Variants in TTLL7 observed in about 807,000 individuals in gnomAD.
TTLL7 encodes the protein tubulin polyglutamylase TTLL7.
Under a neutral mutation model 120.2 loss-of-function variants are expected in TTLL7, and 53 were observed. That is an observed-to-expected ratio of 0.44 (90% CI 0.35 to 0.55). The LOEUF (loss-of-function observed/expected upper bound fraction) is 0.55, where lower values mean the gene tolerates loss of function less well. Among genes scored for constraint, TTLL7 ranks in the 20% least tolerant of loss-of-function variants. The pLI is 0.00. For synonymous variants in TTLL7, 353 were observed against 351.7 expected (o/e 1.00, Z -0.04); for missense variants, 803 against 1,054.7 (o/e 0.76, Z 3.31).
At chr1:83,946,293 C>T (rs1379285519) in intron 6 of TTLL7, 11 of 152,126 alleles carry the variant, frequency 7.2e-5, no homozygotes, top group African/African-American at 1.9e-4. Flanking sequence ...CCTCGTGATC[C>T]GCCCGCCTCG....
chr1:83,892,238 G>T (rs1384960881), intron 18 of TTLL7, among the ~76,000 whole-genome samples: 1 of 135,388 alleles, frequency 7.4e-6, no homozygotes, highest in African/African-American at 2.8e-5. Context: ...GTATATATAT[G>T]AATATATATG....
chr1:83,891,950 C>T (rs779430825), intron 18 of TTLL7, among the ~76,000 whole-genome samples: 2 of 151,812 alleles, frequency 1.3e-5, no homozygotes, highest in African/African-American at 2.4e-5. Context: ...ATCTCAGCCT[C>T]CTGAGGAGGT....
rs1295969347 is a variant in TTLL7, at chr1:83,866,890, GTGA to G, written c.*3069_*3071del. ...TTGCAGTCTCAGACTACGTTTGTAA[GTGA>G]TGATTTAAAATAAAAAAGGTTGTTT... On this transcript the variant is annotated 3_prime_UTR_variant, in exon 21 of 21. Transcript: ENST00000260505. 2.0e-5 allele frequency: 3 copies of G among 151,956 alleles called. No homozygotes were observed. The highest frequency in any genetic ancestry group is 2.9e-5 in the Non-Finnish European group (2 of 67,854). The allele number at this position is 151,956 out of a possible 1,614,324, so 9.4% of individuals were successfully genotyped here.
At chr1:83,899,444 T>A (rs1656516470) in intron 18 of TTLL7, among the ~76,000 whole-genome samples, 1 of 151,962 alleles carries the variant, frequency 6.6e-6, no homozygotes, top group Non-Finnish European at 1.5e-5. Flanking sequence ...CTTTCAGGGC[T>A]CCATAAAATT....
chr1:83,903,939 T>A (rs532911667), intron 18 of TTLL7, 140 bp downstream of exon 18: 118 of 693,738 alleles, frequency 1.7e-4, no homozygotes, highest in Non-Finnish European at 2.4e-4. Flanking sequence ...GCCTGACACA[T>A]AATAGATACT....
chr1:83,884,408 T>TA (rs140406313), intron 19 of TTLL7, among the ~76,000 whole-genome samples: 40,080 of 151,512 alleles, frequency 0.26, 6,588 homozygotes, highest in East Asian at 0.6. Context: ...TTTGAATTCT[T>TA]AAAAAAATGC....
At chr1:83,908,881 A>G (rs1657441162) in intron 15 of TTLL7, among the ~76,000 whole-genome samples, 2 of 151,988 alleles carry the variant, frequency 1.3e-5, no homozygotes, top group Admixed American at 6.6e-5. Context: ...TCTAAATTAA[A>G]TTTTGGAGAG....
intron 14 of TTLL7, 95 bp downstream of exon 14, chr1:83,917,509 T>C: frequency 1.1e-6 from 1 of 908,988 alleles, no homozygotes; most frequent in Non-Finnish European, 1.7e-6. Context: ...CTGTGGTTCC[T>C]TTTTTAAAGC....
intron 6 of TTLL7, among the ~76,000 whole-genome samples, chr1:83,943,219 T>G (rs1648148206): frequency 6.6e-6 from 1 of 152,140 alleles, no homozygotes; most frequent in South Asian, 2.1e-4. Context: ...AGGGCAACAG[T>G]TGGGCAGACA....
At chr1:83,939,510 T>A (rs1647731614) in intron 7 of TTLL7, among the ~76,000 whole-genome samples, 1 of 152,206 alleles carries the variant, frequency 6.6e-6, no homozygotes, top group African/African-American at 2.4e-5. Flanking sequence ...AATAGACATC[T>A]AAGCAGTTCA....
intron 19 of TTLL7, among the ~76,000 whole-genome samples, chr1:83,884,195 T>C (rs540089746): frequency 6.6e-6 from 1 of 151,834 alleles, no homozygotes; most frequent in Admixed American, 6.6e-5. Context: ...GACTTATTCC[T>C]TGAAACTCTT....
At chr1:83,893,139 G>A (rs993889394) in intron 18 of TTLL7, among the ~76,000 whole-genome samples, 7 of 151,554 alleles carry the variant, frequency 4.6e-5, no homozygotes, top group Admixed American at 2.6e-4. Flanking sequence ...TTTGATTTGC[G>A]TGTTGGGTTC....
At chr1:83,947,095 T>C in intron 6 of TTLL7, 29 bp downstream of exon 6, 1 of 1,542,946 alleles carries the variant, frequency 6.5e-7, no homozygotes, top group Admixed American at 2.3e-5. Flanking sequence ...TTTTTTATTT[T>C]TATATATTCC....
Position 83,929,138 on chromosome 1 carries a change from T to C in TTLL7, c.1140A>G (p.Ile380Met). The C allele has an allele frequency of 2.5e-6, 4 of 1,603,270 alleles. No individual in the cohort carries two copies. Among genetic ancestry groups the C allele is most frequent in the Non-Finnish European group, 3.4e-6 (4 of 1,171,912 alleles). Reference sequence around the variant, plus strand: ...AAAAGATAGAGAGAGTATTTTACCTTATGTTTAGTAGCTTCAACGCATTTA... The same window carrying C: ...AAAAGATAGAGAGAGTATTTTACCTCATGTTTAGTAGCTTCAACGCATTTA... ...VLLNALKLLNIRTSDKRRNLA... is the reference protein window; with the variant it reads ...VLLNALKLLNMRTSDKRRNLA... The change falls in exon 10 of 21, where the codon ATA becomes ATG. Residue 380 changes from isoleucine (I) to methionine (M), a missense_variant and splice_region_variant. Ile to Met is a conservative substitution (Grantham distance 10, BLOSUM62 1). Coordinates refer to ENST00000260505, the MANE Select transcript of TTLL7 (RefSeq NM_024686.6).
At chr1:83,892,766 G>GCATATGTGAACATATATATGAA (rs1655795060) in intron 18 of TTLL7, among the ~76,000 whole-genome samples, 1 of 29,350 alleles carries the variant, frequency 3.4e-5, no homozygotes, top group Non-Finnish European at 8.3e-5. Flanking sequence ...ATATATATGA[G>GCATATGTGAACATATATATGAA]CGCATATGTG....
intron 20 of TTLL7, among the ~76,000 whole-genome samples, chr1:83,877,980 T>C (rs1654080836): frequency 6.6e-6 from 1 of 151,960 alleles, no homozygotes. Context: ...CCTATATTAC[T>C]GATTTAGCCA....
intron 6 of TTLL7, among the ~76,000 whole-genome samples, chr1:83,943,134 AG>A (rs1236881718): frequency 5.3e-5 from 8 of 152,322 alleles, no homozygotes; most frequent in African/African-American, 1.9e-4. Flanking sequence ...ACCAGTGCTG[AG>A]GCAACTACTT....
chr1:83,958,248 A>G (rs1242564163), intron 1 of TTLL7, among the ~76,000 whole-genome samples: 2 of 152,262 alleles, frequency 1.3e-5, no homozygotes, highest in African/African-American at 4.8e-5. Flanking sequence ...GAACAATGAT[A>G]TTGAAAAACA....
chr1:83,938,742 A>G (rs536399378), intron 7 of TTLL7, among the ~76,000 whole-genome samples: 1 of 152,346 alleles, frequency 6.6e-6, no homozygotes, highest in Non-Finnish European at 1.5e-5. Context: ...ATAATTGTCA[A>G]TTAATATATA....
Sources: allele counts gnomAD v4.1 joint callset (sites outside exome capture counted in the v4.1 genomes callset), GRCh38; gene constraint gnomAD v4.1.1; transcripts MANE v1.5; gene names NCBI Gene and HGNC (gene_info 2026-07-23, HGNC 2026-07-21).